The following GLS variants were observed in gnomAD, a reference collection of about 807,000 sequenced individuals.
GLS encodes the protein glutaminase.
GLS carries 36 observed loss-of-function variants against 86.7 expected under a neutral mutation model. The observed-to-expected ratio is 0.42, with a 90% CI of 0.32 to 0.55. GLS has a LOEUF of 0.55. Ranked by LOEUF, GLS falls within the 20% of genes least tolerant of loss-of-function variation. The pLI is 0.17. For synonymous variants in GLS, 317 were observed against 305.9 expected (o/e 1.04, Z -0.38); for missense variants, 528 against 833.4 (o/e 0.63, Z 4.51).
At chr2:190,948,018 T>G (rs1488001108) in intron 14 of GLS, among the ~76,000 whole-genome samples, 1 of 152,248 alleles carries the variant, frequency 6.6e-6, no homozygotes, top group Non-Finnish European at 1.5e-5. Context: ...TACCCACAGC[T>G]CATTTCATAA....
At chr2:190,881,519 G>C in intron 1 of GLS, 49 bp downstream of exon 1, 2 of 1,507,846 alleles carry the variant, frequency 1.3e-6, no homozygotes, top group South Asian at 2.4e-5. Flanking sequence ...TCGGGGCCCG[G>C]GCTCAGGCTG....
At position 190,904,865 on chromosome 2, in the gene GLS, T is replaced by C. The variant is rs73054711; in HGVS notation, c.816-139T>C. The C allele has an allele frequency of 0.024, 14,843 of 629,064 alleles. 1,580 individuals carry two copies. In the African/African-American group the frequency reaches 0.24, roughly 10 times the overall value. 39.0% of individuals were successfully genotyped at this position (629,064 alleles called of 1,614,324 possible). A position where few individuals can be genotyped will look rare whatever the true frequency, so the allele number is the denominator to read the frequency against. On this transcript the variant is annotated intron_variant, in intron 5 of 17. Coordinates refer to ENST00000320717, the MANE Select transcript of GLS (RefSeq NM_014905.5). The stretch of plus-strand genomic sequence containing the variant: ...GATGACTGTACTTAAATTTATTCTG[T>C]AATTTTGACATAAACTTGTGGTTGA...
In GLS at chr2:190,956,574, T is replaced by G. The variant is rs1462487094; in HGVS notation, c.1853+1756T>G. Among the ~76,000 whole-genome samples, 3 of 152,196 alleles carry G rather than the reference T, an allele frequency of 2.0e-5. No homozygotes were observed. Among genetic ancestry groups the G allele is most frequent in the African/African-American group, 7.2e-5 (3 of 41,452 alleles). ...TTCTTCTTTTTGCTTAGGATCGTCT[T>G]GGCTATGTGGGCTCTTTTTTGGTTA... On this transcript the variant is annotated intron_variant, in intron 17 of 17. Transcript: ENST00000320717. This position sits in a 1 kb window ranked among gnomAD's most constrained non-coding sequence, Gnocchi z 4.2.
intron 1 of GLS, among the ~76,000 whole-genome samples, chr2:190,894,782 T>A (rs374744213): frequency 5.9e-5 from 9 of 152,152 alleles, no homozygotes; most frequent in African/African-American, 2.2e-4. Context: ...CCAAAACAAC[T>A]GAACAGAGTG....
intron 12 of GLS, among the ~76,000 whole-genome samples, chr2:190,928,500 A>G (rs1689976592): frequency 6.6e-6 from 1 of 151,394 alleles, no homozygotes; most frequent in Non-Finnish European, 1.5e-5. Context: ...GCACCTGGCT[A>G]ATTTTTGTAT....
chr2:190,901,879 G>A (rs1405495712), intron 4 of GLS, 68 bp from the exon 5 acceptor site: 2 of 967,778 alleles, frequency 2.1e-6, no homozygotes, highest in East Asian at 4.8e-5. Flanking sequence ...TAAGAAATTT[G>A]TTGGTGGAAG....
rs180993915 is a variant in GLS, at chr2:190,913,153, G to A, written c.1038+2832G>A. Reference sequence around the variant, plus strand: ...AAGTAGAGTCTTTAGTAAGACTCTTGATTTCATAATTTTGTAGTATTGATA... The same window carrying A: ...AAGTAGAGTCTTTAGTAAGACTCTTAATTTCATAATTTTGTAGTATTGATA... On this transcript the variant is annotated intron_variant, in intron 7 of 17. Coordinates refer to ENST00000320717, the MANE Select transcript of GLS (RefSeq NM_014905.5). The surrounding 1 kb of genome is among the most constrained non-coding windows in gnomAD (Gnocchi z 6.1). The A allele has an allele frequency of 7.5e-4, 967 of 1,295,034 alleles. 4 individuals are homozygous for A. The highest frequency in any genetic ancestry group is 9.0e-4 in the Non-Finnish European group (887 of 980,826). The allele number at this position is 1,295,034 out of a possible 1,614,324, so 80.2% of individuals were successfully genotyped here. A position where few individuals can be genotyped will look rare whatever the true frequency, so the allele number is the denominator to read the frequency against.
intron 5 of GLS, 58 bp from the exon 6 acceptor site, chr2:190,904,946 A>C (rs888102309): frequency 2.0e-5 from 19 of 945,062 alleles, no homozygotes; most frequent in Non-Finnish European, 2.7e-5. Context: ...AATTCCAACT[A>C]TGCAGTTACA....
chr2:190,892,164 G>T (rs1688585890), intron 1 of GLS, among the ~76,000 whole-genome samples: 3 of 152,048 alleles, frequency 2.0e-5, no homozygotes, highest in African/African-American at 7.2e-5. Context: ...TTTTCATTAA[G>T]AAATTATTTT....
At chr2:190,908,247 A>T (rs1689231094) in intron 6 of GLS, among the ~76,000 whole-genome samples, 1 of 152,212 alleles carries the variant, frequency 6.6e-6, no homozygotes, top group South Asian at 2.1e-4. Context: ...GAAAATATAA[A>T]TATCCAAATT....
chr2:190,899,691 T>C (rs1688871759), intron 3 of GLS, among the ~76,000 whole-genome samples: 3 of 152,122 alleles, frequency 2.0e-5, no homozygotes, highest in South Asian at 4.1e-4. Context: ...CTTAAGAAGC[T>C]CAGAATATAC....
Position 190,953,462 on chromosome 2 carries a change from A to G in GLS, c.1651-103A>G. 1.3e-6 allele frequency: 1 copy of G among 793,958 alleles called. No homozygotes were observed. Among genetic ancestry groups the G allele is most frequent in the Non-Finnish European group, 2.2e-6 (1 of 447,772 alleles). 49.2% of individuals were successfully genotyped at this position (793,958 alleles called of 1,614,324 possible). ...TGAGATCACTTTTTGCACGTGACTCAGCTGAAGTGTTCAAAGCACATGGAA... is the reference window on the plus strand; with the variant it reads ...TGAGATCACTTTTTGCACGTGACTCGGCTGAAGTGTTCAAAGCACATGGAA... On this transcript the variant is annotated intron_variant, in intron 14 of 17. Coordinates refer to ENST00000320717, the MANE Select transcript of GLS (RefSeq NM_014905.5). The surrounding 1 kb of genome is among the most constrained non-coding windows in gnomAD (Gnocchi z 4.0).
chr2:190,949,836 CT>C lies in GLS; in HGVS notation c.1651-3728del, dbSNP rs1440694012. ...GAGCACCTATTATGTGTGATAGACA[CT>C]GAGTTTACGGTGGGGAACAGAAAGA... On this transcript the variant is annotated intron_variant, in intron 14 of 17. Transcript: ENST00000320717. This position sits in a 1 kb window ranked among gnomAD's most constrained non-coding sequence, Gnocchi z 4.0. Among the ~76,000 whole-genome samples, 1 of 151,840 alleles carries C rather than the reference CT, an allele frequency of 6.6e-6. No homozygotes were observed. Among genetic ancestry groups the C allele is most frequent in the African/African-American group, 2.4e-5 (1 of 41,312 alleles).
chr2:190,918,787 A>G (rs1417235378), intron 7 of GLS, among the ~76,000 whole-genome samples: 7 of 152,152 alleles, frequency 4.6e-5, no homozygotes, highest in Non-Finnish European at 1.0e-4. Flanking sequence ...GAACATTTAG[A>G]GGCCATAGTA....
chr2:190,951,716 G>A lies in GLS; in HGVS notation c.1651-1849G>A, dbSNP rs1408673602. Among the ~76,000 whole-genome samples the A allele has an allele frequency of 6.6e-6, 1 of 152,114 alleles. No individual in the cohort carries two copies. The highest frequency in any genetic ancestry group is 1.5e-5 in the Non-Finnish European group (1 of 68,006). On this transcript the variant is annotated intron_variant, in intron 14 of 17. Coordinates refer to ENST00000320717, the MANE Select transcript of GLS (RefSeq NM_014905.5). The surrounding 1 kb of genome is among the most constrained non-coding windows in gnomAD (Gnocchi z 4.2). Reference sequence around the variant, plus strand: ...CGGGAACCAACAAGAAAAAAAAATTGTCAAGCAGTAATGAGAGACCAGGTG... The same window carrying A: ...CGGGAACCAACAAGAAAAAAAAATTATCAAGCAGTAATGAGAGACCAGGTG...
intron 14 of GLS, chr2:190,934,392 AT>A: frequency 2.1e-6 from 2 of 951,382 alleles, no homozygotes; most frequent in Non-Finnish European, 2.5e-6. Context: ...TAAGTATTAA[AT>A]TTATATATTT....
At chr2:190,934,806 C>A in intron 14 of GLS, 1 of 962,252 alleles carries the variant, frequency 1.0e-6, no homozygotes, top group Non-Finnish European at 1.2e-6. Context: ...GTTATCTAAG[C>A]TACTGTGTTT....
chr2:190,919,929 C>A (rs752155926), intron 7 of GLS: 1 of 152,680 alleles, frequency 6.5e-6, no homozygotes, highest in South Asian at 2.1e-4. Flanking sequence ...GATTGCACAT[C>A]TTTCTTAAAA....
chr2:190,913,643 GTAGTTT>G lies in GLS; in HGVS notation c.1038+3329_1038+3334del. On this transcript the variant is annotated intron_variant, in intron 7 of 17. Transcript: ENST00000320717. This position sits in a 1 kb window ranked among gnomAD's most constrained non-coding sequence, Gnocchi z 6.1. ...TTCTTTTCACTGGTAAAAATTTCAC[GTAGTTT>G]TAGTTTAAAAGTTAAGATCTGGTGA... 2 of 976,296 alleles carry G rather than the reference GTAGTTT, an allele frequency of 2.0e-6. No individual in the cohort carries two copies. Among genetic ancestry groups the G allele is most frequent in the Non-Finnish European group, 2.4e-6 (2 of 821,680 alleles). 60.5% of individuals were successfully genotyped at this position (976,296 alleles called of 1,614,324 possible). A position where few individuals can be genotyped will look rare whatever the true frequency, so the allele number is the denominator to read the frequency against.
Sources: gnomAD v4.1 joint callset for allele counts (sites outside exome capture counted in the v4.1 genomes callset) on GRCh38, gnomAD v4.1.1 for gene constraint, Gnocchi (gnomAD v3.1) non-coding constraint, MANE v1.5 for transcripts, NCBI Gene and HGNC (gene_info 2026-07-23, HGNC 2026-07-21) for gene names.